CMYA5: variants seen among roughly 807,000 people sequenced by gnomAD.
CMYA5 encodes cardiomyopathy-associated protein 5.
A neutral mutation model predicts 318.9 loss-of-function variants in CMYA5; 246 were observed. That is an observed-to-expected ratio of 0.77 (90% CI 0.70 to 0.86). The LOEUF (loss-of-function observed/expected upper bound fraction) is 0.86, where lower values mean the gene tolerates loss of function less well. Ranked by LOEUF, CMYA5 falls within the 40% of genes least tolerant of loss-of-function variation. The pLI, the probability that CMYA5 is intolerant of heterozygous loss-of-function variation, is 0.00. For synonymous variants in CMYA5, 1,641 were observed against 1,729.5 expected (o/e 0.95, Z 1.27); for missense variants, 4,589 against 4,678.2 (o/e 0.98, Z 0.56).
chr5:79,730,179 A>C lies in CMYA5; in HGVS notation c.1414A>C (p.Lys472Gln), dbSNP rs993656969. The stretch of plus-strand genomic sequence containing the variant: ...AGAAAGGGCAGAACCAGTCTCCGCA[A>C]AACTGACCCCTACCCATCCCAGTGT... ...SIERAEPVSA[K>Q]LTPTHPSVKG... The change falls in exon 2 of 13, where the codon AAA (lysine) becomes CAA (glutamine). Residue 472 changes from lysine (K) to glutamine (Q), a missense_variant. Coordinates refer to ENST00000446378, the MANE Select transcript of CMYA5 (RefSeq NM_153610.5). 6.2e-7 allele frequency: 1 copy of C among 1,613,828 alleles called. No individual in the cohort carries two copies. The highest frequency in any genetic ancestry group is 1.3e-5 in the African/African-American group (1 of 74,910).
rs1257156067 is a variant in CMYA5, at chr5:79,729,852, G to C, written c.1087G>C (p.Val363Leu). The C allele has an allele frequency of 1.2e-6, 2 of 1,612,732 alleles. No individual in the cohort carries two copies. The highest frequency in any genetic ancestry group is 2.2e-5 in the South Asian group (2 of 90,934). ...QGIQLRHSQS[V>L]PQQPEDEAKP... ...AATACAGCTCAGGCATTCACAGTCA[G>C]TGCCACAACAGCCAGAAGATGAAGC... Residue 363 changes from valine (V) to leucine (L), a missense_variant, in exon 2 of 13, where the codon GTG becomes CTG. By Grantham distance (32) the Val-to-Leu change is conservative (BLOSUM62 1). Coordinates refer to ENST00000446378, the MANE Select transcript of CMYA5 (RefSeq NM_153610.5).
At chr5:79,709,635 C>T (rs947897978) in intron 1 of CMYA5, among the ~76,000 whole-genome samples, 42 of 149,562 alleles carry the variant, frequency 2.8e-4, no homozygotes, top group African/African-American at 8.6e-4. Flanking sequence ...TTTAAAAAAA[C>T]GACTACTTTT....
intron 1 of CMYA5, among the ~76,000 whole-genome samples, chr5:79,723,909 G>A (rs79040595): frequency 0.051 from 7,704 of 152,230 alleles, 379 homozygotes; most frequent in East Asian, 0.25. Context: ...TCACAGCCAT[G>A]TTGAGTTCAG....
Position 79,729,588 on chromosome 5 carries a change from A to T in CMYA5, c.823A>T (p.Asn275Tyr), listed in dbSNP as rs1379698602. The change falls in exon 2 of 13, where the codon AAT (asparagine) becomes TAT (tyrosine). Residue 275 changes from asparagine to tyrosine, a missense_variant. Physicochemically the swap from Asn to Tyr is moderately radical, Grantham distance 143. Transcript: ENST00000446378. The part of the protein sequence containing the change: ...ASISLEPDLD[N>Y]SGSNTVSKTR... ...CATTAGTCTAGAGCCAGATTTGGACAATAGTGGTTCTAATACAGTGTCCAA... is the reference window on the plus strand; with the variant it reads ...CATTAGTCTAGAGCCAGATTTGGACTATAGTGGTTCTAATACAGTGTCCAA... 1.2e-6 allele frequency: 2 copies of T among 1,613,548 alleles called. No homozygotes were observed. The highest frequency in any genetic ancestry group is 1.7e-6 in the Non-Finnish European group (2 of 1,179,546).
rs6868191 is a variant in CMYA5, at chr5:79,749,132, G to T, written c.10991+2019G>T. 1.7e-3 allele frequency among the ~76,000 whole-genome samples: 260 copies of T among 152,060 alleles called. 1 individual carries two copies. Among genetic ancestry groups the T allele is most frequent in the African/African-American group, 5.9e-3 (246 of 41,478 alleles). Reference sequence around the variant, plus strand: ...CATTTTAATTAATTTCTATTTCATTGTCCAGTTGACAGTGAATTAATTTTT... The same window carrying T: ...CATTTTAATTAATTTCTATTTCATTTTCCAGTTGACAGTGAATTAATTTTT... On this transcript the variant is annotated intron_variant, in intron 5 of 12. Coordinates refer to ENST00000446378, the MANE Select transcript of CMYA5 (RefSeq NM_153610.5).
chr5:79,715,144 A>G lies in CMYA5; in HGVS notation c.150-13771A>G, dbSNP rs1827489399. ...GTTTGCTGCTGTATGCTCATTGCCT[A>G]GAACAGTGTGGTCCATGGTGGGTGT... is the stretch of plus-strand genomic sequence containing the variant. On this transcript the variant is annotated intron_variant, in intron 1 of 12. Transcript: ENST00000446378. Among the ~76,000 whole-genome samples, 4 of 152,186 alleles carry G rather than the reference A, an allele frequency of 2.6e-5. No homozygotes were observed. The South Asian group carries it at 8.3e-4, about 31-fold the overall frequency.
chr5:79,792,266 A>C (rs561874311), intron 11 of CMYA5, among the ~76,000 whole-genome samples: 4 of 152,216 alleles, frequency 2.6e-5, no homozygotes, highest in African/African-American at 9.6e-5. Context: ...GAATCCCTCA[A>C]ATCTAGCATG....
At chr5:79,740,786 A>C (rs995563763) in intron 2 of CMYA5, among the ~76,000 whole-genome samples, 1 of 152,120 alleles carries the variant, frequency 6.6e-6, no homozygotes. Context: ...TCCATTCTCC[A>C]TAGGGCAGCT....
intron 1 of CMYA5, among the ~76,000 whole-genome samples, chr5:79,691,573 G>A (rs1826971593): frequency 6.6e-6 from 1 of 152,090 alleles, no homozygotes; most frequent in African/African-American, 2.4e-5. Flanking sequence ...TAGAGTGGAG[G>A]GACACATGAG....
chr5:79,733,035 G>A lies in CMYA5; in HGVS notation c.4270G>A (p.Ala1424Thr), dbSNP rs1247998867. 3 of 1,613,364 alleles carry A rather than the reference G, an allele frequency of 1.9e-6. No individual in the cohort carries two copies. Among genetic ancestry groups the A allele is most frequent in the Non-Finnish European group, 2.5e-6 (3 of 1,179,640 alleles). Residue 1424 changes from alanine to threonine, a missense_variant, in exon 2 of 13, where the codon GCT (alanine) becomes ACT (threonine). Transcript: ENST00000446378. ...AGAAGACAAGGTGGCAATTAAAGGT[G>A]CTTCTCCCATTGAAACTTCATCCAA... ...AEEDKVAIKG[A>T]SPIETSSKHL...
intron 9 of CMYA5, among the ~76,000 whole-genome samples, chr5:79,788,004 TAACAAAAAAA>T (rs1829110013): frequency 6.6e-6 from 1 of 151,272 alleles, no homozygotes; most frequent in Admixed American, 6.6e-5. Context: ...TATTCATCAA[TAACAAAAAAA>T]AACAAAGACA....
intron 7 of CMYA5, among the ~76,000 whole-genome samples, chr5:79,760,954 C>T (rs953533841): frequency 6.6e-6 from 1 of 152,056 alleles, no homozygotes; most frequent in Non-Finnish European, 1.5e-5. Flanking sequence ...TCCCGATTTT[C>T]TTTTAAAGAA....
chr5:79,760,436 A>T (rs60166764), intron 7 of CMYA5, among the ~76,000 whole-genome samples: 2,542 of 152,256 alleles, frequency 0.017, 81 homozygotes, highest in African/African-American at 0.058. Context: ...GAGACTGGGT[A>T]ATTTATGAAG....
At chr5:79,702,170 T>C (rs1827185847) in intron 1 of CMYA5, among the ~76,000 whole-genome samples, 1 of 152,062 alleles carries the variant, frequency 6.6e-6, no homozygotes, top group East Asian at 1.9e-4. Flanking sequence ...TAACCAATAC[T>C]TTGGGAGGCC....
chr5:79,748,970 G>T (rs1246621800), intron 5 of CMYA5, among the ~76,000 whole-genome samples: 2 of 152,012 alleles, frequency 1.3e-5, no homozygotes, highest in African/African-American at 4.8e-5. Context: ...AGAAAATTTG[G>T]TGAGTGAAAA....
rs188243295 is a variant in CMYA5, at chr5:79,764,766, T to C, written c.11555+1557T>C. ...CAGTGATGATGAGCTTTTTTTCATA[T>C]GTTTGTTGGCAGCATAAATGTCTTC... On this transcript the variant is annotated intron_variant, in intron 9 of 12. Transcript: ENST00000446378. Among the ~76,000 whole-genome samples the C allele has an allele frequency of 4.1e-4, 62 of 152,378 alleles. No homozygotes were observed. In the East Asian group the frequency reaches 4.4e-3, roughly 11 times the overall value.
At chr5:79,783,294 G>T (rs1829028083) in intron 9 of CMYA5, among the ~76,000 whole-genome samples, 1 of 11,826 alleles carries the variant, frequency 8.5e-5, no homozygotes. Context: ...TCCGCTGTTA[G>T]TCTGATGGGC....
chr5:79,752,573 A>G, intron 5 of CMYA5, 103 bp from the exon 6 acceptor site: 1 of 725,738 alleles, frequency 1.4e-6, no homozygotes. Context: ...TGCCTTATGC[A>G]AACCACCACT....
intron 1 of CMYA5, among the ~76,000 whole-genome samples, chr5:79,694,584 C>T (rs554617124): frequency 3.9e-5 from 6 of 152,338 alleles, no homozygotes; most frequent in African/African-American, 1.4e-4. Context: ...CCTTCAATTG[C>T]AGCTTTGCCA....
Sources: gnomAD v4.1 joint callset for allele counts (sites outside exome capture counted in the v4.1 genomes callset) on GRCh38, gnomAD v4.1.1 for gene constraint, MANE v1.5 for transcripts, NCBI Gene and HGNC (gene_info 2026-07-23, HGNC 2026-07-21) for gene names.